The following TNR variants were observed in gnomAD, a reference collection of about 807,000 sequenced individuals.
TNR encodes tenascin-R.
Under a neutral mutation model 150.4 loss-of-function variants are expected in TNR, and 45 were observed. The ratio of observed to expected loss-of-function variants is 0.30; its 90% confidence interval spans 0.24 to 0.38. The LOEUF (loss-of-function observed/expected upper bound fraction) is 0.38. TNR is among the 10% of genes least tolerant of loss of function. The pLI is 1.00. For missense variants in TNR, 1,544 were observed against 1,759.1 expected, an observed-to-expected ratio of 0.88 and a Z score of 2.19; for synonymous variants, 687 against 678.4, an observed-to-expected ratio of 1.01 and a Z score of -0.20.
At chr1:175,558,439 A>G (rs1661280191) in intron 1 of TNR, among the ~76,000 whole-genome samples, 1 of 152,186 alleles carries the variant, frequency 6.6e-6, no homozygotes, top group Admixed American at 6.5e-5. Flanking sequence ...TACTATTATT[A>G]TCTACACTAT....
intron 1 of TNR, among the ~76,000 whole-genome samples, chr1:175,580,219 C>A (rs747305027): frequency 1.3e-5 from 2 of 152,188 alleles, no homozygotes; most frequent in Non-Finnish European, 2.9e-5. Context: ...ATGTTTTGTG[C>A]TGTACAACCT....
chr1:175,688,623 G>T (rs973735596), intron 1 of TNR, among the ~76,000 whole-genome samples: 3 of 152,220 alleles, frequency 2.0e-5, no homozygotes, highest in African/African-American at 7.2e-5. Flanking sequence ...GATGCAATTT[G>T]CATGGTGTGG....
intron 1 of TNR, among the ~76,000 whole-genome samples, chr1:175,551,473 G>A (rs1205871290): frequency 1.3e-5 from 2 of 152,178 alleles, no homozygotes; most frequent in Non-Finnish European, 2.9e-5. Flanking sequence ...ATCTCAAAGA[G>A]GACAAAGGAA....
intron 18 of TNR, among the ~76,000 whole-genome samples, chr1:175,353,803 T>G (rs1328453679): frequency 3.3e-5 from 5 of 152,104 alleles, no homozygotes; most frequent in African/African-American, 1.2e-4. Flanking sequence ...GAAAACCACT[T>G]GCAGAAAACC....
chr1:175,697,474 C>T (rs1666565297), intron 1 of TNR, among the ~76,000 whole-genome samples: 1 of 151,888 alleles, frequency 6.6e-6, no homozygotes, highest in African/African-American at 2.4e-5. Context: ...CACTTGTTTT[C>T]CCTTAAGGTT....
intron 1 of TNR, among the ~76,000 whole-genome samples, chr1:175,579,669 T>C (rs1022094738): frequency 1.3e-5 from 2 of 150,864 alleles, no homozygotes; most frequent in East Asian, 1.9e-4. Context: ...CAAGGTCAGT[T>C]TGGGATGGTG....
At position 175,524,975 on chromosome 1, in the gene TNR, T is replaced by A. The variant is rs572648912; in HGVS notation, c.-64+3294A>T. On this transcript the variant is annotated intron_variant, in intron 2 of 22. Transcript: ENST00000367674. ...ACTCCTCTTTCCCCTTCCATAGTGA[T>A]ATGGTTTGGCTGTGTCCCCAACCAA... is the stretch of plus-strand genomic sequence containing the variant. Among the ~76,000 whole-genome samples the A allele has an allele frequency of 7.2e-5, 11 of 152,320 alleles. No homozygotes were observed. The East Asian group carries it at 2.1e-3, about 29-fold the overall frequency.
At chr1:175,726,736 T>A (rs1013828667) in intron 1 of TNR, among the ~76,000 whole-genome samples, 1 of 152,174 alleles carries the variant, frequency 6.6e-6, no homozygotes, top group Non-Finnish European at 1.5e-5. Context: ...AAAGACAAAA[T>A]GTGATCACAA....
chr1:175,686,366 T>C (rs1176295156), intron 1 of TNR, among the ~76,000 whole-genome samples: 1 of 152,220 alleles, frequency 6.6e-6, no homozygotes, highest in Non-Finnish European at 1.5e-5. Context: ...AGATGTGTCA[T>C]AGAGAGCACT....
chr1:175,516,144 A>T (rs146352533), intron 2 of TNR, among the ~76,000 whole-genome samples: 1 of 152,304 alleles, frequency 6.6e-6, no homozygotes, highest in East Asian at 1.9e-4. Context: ...TTTATTCCTC[A>T]TTAATTCAGT....
At chr1:175,626,525 T>A (rs1664162685) in intron 1 of TNR, among the ~76,000 whole-genome samples, 1 of 152,094 alleles carries the variant, frequency 6.6e-6, no homozygotes, top group Admixed American at 6.6e-5. Context: ...TCTAAAACAA[T>A]CCCTCCCTGT....
intron 18 of TNR, among the ~76,000 whole-genome samples, chr1:175,337,992 TATC>T (rs1365356883): frequency 6.6e-6 from 1 of 152,228 alleles, no homozygotes; most frequent in Non-Finnish European, 1.5e-5. Context: ...TCAGTTTTCT[TATC>T]AGTAAAATGG....
chr1:175,546,230 C>T (rs1660680969), intron 1 of TNR, among the ~76,000 whole-genome samples: 2 of 152,154 alleles, frequency 1.3e-5, no homozygotes, highest in African/African-American at 4.8e-5. Context: ...TGCATCAGAG[C>T]AAGGGCACAT....
chr1:175,323,025 A>G lies in TNR; in HGVS notation c.*332T>C, dbSNP rs868170861. 3.7e-5 allele frequency: 7 copies of G among 187,872 alleles called. No homozygotes were observed. Among genetic ancestry groups the G allele is most frequent in the Middle Eastern group, 2.2e-3 (1 of 464 alleles). The allele number at this position is 187,872 out of a possible 1,614,324, so 11.6% of individuals were successfully genotyped here. On this transcript the variant is annotated 3_prime_UTR_variant, in exon 23 of 23. Coordinates refer to ENST00000367674, the MANE Select transcript of TNR (RefSeq NM_003285.3). ...GACATCTCAGAAGAAGGGTAGAAAA[A>G]TGTGTGTGCCTGTCACCATAACAAT...
intron 4 of TNR, among the ~76,000 whole-genome samples, chr1:175,402,568 T>G (rs913394884): frequency 1.3e-5 from 2 of 152,212 alleles, no homozygotes; most frequent in Non-Finnish European, 2.9e-5. Flanking sequence ...TATTCCTGTT[T>G]AGATTTAAGT....
intron 1 of TNR, among the ~76,000 whole-genome samples, chr1:175,637,411 C>T (rs538471370): frequency 6.6e-6 from 1 of 152,246 alleles, no homozygotes. Flanking sequence ...TCTCCAACAC[C>T]AAATCTTATC....
At chr1:175,445,366 G>A (rs924230600) in intron 2 of TNR, among the ~76,000 whole-genome samples, 3 of 152,198 alleles carry the variant, frequency 2.0e-5, no homozygotes, top group African/African-American at 7.2e-5. Context: ...CCAAACAAAG[G>A]AATTAGATTC....
intron 20 of TNR, among the ~76,000 whole-genome samples, chr1:175,335,079 T>C (rs1028330091): frequency 1.3e-5 from 2 of 152,160 alleles, no homozygotes; most frequent in South Asian, 4.1e-4. Flanking sequence ...TATCCATCAC[T>C]ATGAAAATCT....
intron 5 of TNR, 73 bp downstream of exon 5, chr1:175,396,471 C>G (rs1348009015): frequency 1.7e-5 from 26 of 1,536,846 alleles, no homozygotes; most frequent in Non-Finnish European, 2.2e-5. Context: ...AGAAAAGACG[C>G]TACTATCATG....
Sources: gnomAD v4.1 joint callset for allele counts (sites outside exome capture counted in the v4.1 genomes callset) on GRCh38, gnomAD v4.1.1 for gene constraint, MANE v1.5 for transcripts, NCBI Gene and HGNC (gene_info 2026-07-23, HGNC 2026-07-21) for gene names.